Variants in CSMD1 observed in about 807,000 individuals in gnomAD.
CSMD1 encodes the protein CUB and Sushi multiple domains 1.
A neutral mutation model predicts 417.5 loss-of-function variants in CSMD1; 213 were observed. The ratio of observed to expected loss-of-function variants is 0.51; its 90% confidence interval spans 0.46 to 0.57. CSMD1 has a LOEUF of 0.57. CSMD1 is among the 20% of genes least tolerant of loss of function. The pLI is 0.00. For missense variants in CSMD1, 6,923 were observed against 4,529.7 expected (o/e 1.53, Z -15.17); for synonymous variants, 2,862 against 1,736.8 (o/e 1.65, Z -16.11).
chr8:2,955,044 TG>T (rs1181671738), intron 64 of CSMD1, among the ~76,000 whole-genome samples: 6 of 152,220 alleles, frequency 3.9e-5, no homozygotes, highest in Non-Finnish European at 1.5e-5. Flanking sequence ...GACTCTCACT[TG>T]TAAACACACA....
intron 3 of CSMD1, among the ~76,000 whole-genome samples, chr8:4,405,153 T>A (rs1804921832): frequency 6.6e-6 from 1 of 152,222 alleles, no homozygotes; most frequent in Admixed American, 6.5e-5. Context: ...GAAGTACTCT[T>A]ACTTCCTGGA....
intron 51 of CSMD1, among the ~76,000 whole-genome samples, chr8:3,023,161 G>C (rs1335879395): frequency 2.6e-5 from 4 of 152,126 alleles, no homozygotes; most frequent in African/African-American, 7.2e-5. Context: ...GCTCCCATAC[G>C]TTTAATGATC....
intron 36 of CSMD1, among the ~76,000 whole-genome samples, chr8:3,185,572 T>C (rs552316328): frequency 4.6e-5 from 7 of 152,364 alleles, no homozygotes; most frequent in African/African-American, 1.7e-4. Flanking sequence ...CTATTTCTAA[T>C]ATTAGGATAT....
chr8:4,881,439 C>CTATCTATG (rs1236283911), intron 1 of CSMD1, among the ~76,000 whole-genome samples: 1 of 46,512 alleles, frequency 2.1e-5, no homozygotes, highest in Non-Finnish European at 6.5e-5. Context: ...ATCTATCTAT[C>CTATCTATG]TATCTATCTA....
rs1235468703 is a variant in CSMD1 at position 3,182,648 on chromosome 8, AGGG to A, written c.5621-1437_5621-1435del. ...TGTGTGTGTGTATTGTTAGTAGAGA[AGGG>A]GGACTCTGGCTGTCTATAAGAAGCT... is the stretch of plus-strand genomic sequence containing the variant. On this transcript the variant is annotated intron_variant, in intron 36 of 69. Coordinates refer to ENST00000635120, the MANE Select transcript of CSMD1 (RefSeq NM_033225.6). Among the ~76,000 whole-genome samples, 5 of 46,804 alleles carry A rather than the reference AGGG, an allele frequency of 1.1e-4. 1 individual carries two copies. The East Asian group carries it at 1.6e-3, about 15-fold the overall frequency. 30.7% of individuals were successfully genotyped at this position (46,804 alleles called of 152,430 possible). A position where few individuals can be genotyped will look rare whatever the true frequency, so the allele number is the denominator to read the frequency against.
intron 5 of CSMD1, among the ~76,000 whole-genome samples, chr8:3,779,996 C>T (rs1416085061): frequency 1.3e-5 from 2 of 152,170 alleles, no homozygotes. Context: ...TTCCAAGCTC[C>T]TTTTCCTAAA....
intron 8 of CSMD1, among the ~76,000 whole-genome samples, chr8:3,606,760 G>C (rs1054572928): frequency 1.1e-4 from 16 of 151,130 alleles, no homozygotes; most frequent in East Asian, 1.9e-4. Flanking sequence ...CCCCAGGCTG[G>C]GGTACAGTGG....
At chr8:3,542,745 C>A (rs369551471) in intron 10 of CSMD1, among the ~76,000 whole-genome samples, 2 of 152,202 alleles carry the variant, frequency 1.3e-5, no homozygotes, top group African/African-American at 2.4e-5. Context: ...TAAGAAGGAG[C>A]TGAATGGAAC....
chr8:3,153,302 T>C (rs571998039), intron 39 of CSMD1, among the ~76,000 whole-genome samples: 16 of 152,318 alleles, frequency 1.1e-4, no homozygotes, highest in African/African-American at 3.8e-4. Flanking sequence ...GTTTAGCATA[T>C]CATCAAGAAA....
chr8:4,305,420 G>A (rs1015699308), intron 3 of CSMD1, among the ~76,000 whole-genome samples: 1 of 152,088 alleles, frequency 6.6e-6, no homozygotes, highest in Middle Eastern at 3.2e-3. Context: ...TTAAGTGAAA[G>A]GGATAATCGA....
At chr8:4,332,657 T>C (rs940116868) in intron 3 of CSMD1, among the ~76,000 whole-genome samples, 3 of 151,142 alleles carry the variant, frequency 2.0e-5, no homozygotes, top group African/African-American at 4.9e-5. Context: ...CTCTCATTAC[T>C]ACCGTTTTGC....
intron 1 of CSMD1, among the ~76,000 whole-genome samples, chr8:4,962,455 C>A (rs1809565332): frequency 6.6e-6 from 1 of 152,098 alleles, no homozygotes; most frequent in Non-Finnish European, 1.5e-5. Flanking sequence ...AAAGGATCTT[C>A]CCACCTAGGC....
At position 4,415,844 on chromosome 8, in the gene CSMD1, C is replaced by T. The variant is rs777630899; in HGVS notation, c.415+4109G>A. Among the ~76,000 whole-genome samples the T allele has an allele frequency of 3.3e-5, 5 of 152,136 alleles. No individual in the cohort carries two copies. In the East Asian group the frequency reaches 7.7e-4, roughly 24 times the overall value. On this transcript the variant is annotated intron_variant, in intron 3 of 69. Transcript: ENST00000635120. ...GTATGTATTTGTGTATGTGTGTATACGTAAATAAACGTAATATATACAAGA... is the reference window on the plus strand; with the variant it reads ...GTATGTATTTGTGTATGTGTGTATATGTAAATAAACGTAATATATACAAGA...
Position 3,574,933 on chromosome 8 carries a change from G to A in CSMD1, c.1344+12C>T, listed in dbSNP as rs373160865. On this transcript the variant is annotated intron_variant, in intron 10 of 69. Coordinates refer to ENST00000635120, the MANE Select transcript of CSMD1 (RefSeq NM_033225.6). ...TGTGCATTAACCACAGGGGTTGGAG[G>A]CGGAGCCTTACCTTGTCCGGGTCGG... The A allele has an allele frequency of 3.7e-6, 6 of 1,611,382 alleles. No individual in the cohort carries two copies. The highest frequency in any genetic ancestry group is 2.7e-5 in the African/African-American group (2 of 74,960).
chr8:3,810,422 G>C (rs1047705240), intron 5 of CSMD1, among the ~76,000 whole-genome samples: 2 of 152,148 alleles, frequency 1.3e-5, no homozygotes, highest in African/African-American at 4.8e-5. Context: ...GTGTTTTCTT[G>C]TTAAGAAGGG....
intron 3 of CSMD1, among the ~76,000 whole-genome samples, chr8:4,133,343 T>A (rs374139215): frequency 1.3e-5 from 2 of 152,250 alleles, no homozygotes; most frequent in African/African-American, 4.8e-5. Context: ...CTTCTCAGCA[T>A]GGTAAGCACT....
chr8:3,289,952 A>C (rs576025259), intron 25 of CSMD1, among the ~76,000 whole-genome samples: 2 of 147,460 alleles, frequency 1.4e-5, no homozygotes, highest in Non-Finnish European at 2.9e-5. Context: ...GGGTTTTTAT[A>C]GTATTAGGTC....
intron 18 of CSMD1, among the ~76,000 whole-genome samples, chr8:3,381,388 G>A (rs1225853680): frequency 1.3e-5 from 2 of 152,118 alleles, no homozygotes; most frequent in African/African-American, 4.8e-5. Flanking sequence ...AAAGCCATAT[G>A]TGTTTGCATG....
intron 11 of CSMD1, among the ~76,000 whole-genome samples, chr8:3,474,634 C>A (rs1220257636): frequency 6.6e-6 from 1 of 152,118 alleles, no homozygotes; most frequent in Non-Finnish European, 1.5e-5. Flanking sequence ...AGGAACTTAA[C>A]TCTTGTTTAT....
Sources: gnomAD v4.1 joint callset for allele counts (sites outside exome capture counted in the v4.1 genomes callset) on GRCh38, gnomAD v4.1.1 for gene constraint, MANE v1.5 for transcripts, NCBI Gene and HGNC (gene_info 2026-07-23, HGNC 2026-07-21) for gene names.